Variants in ZNF804B observed in about 807,000 individuals in gnomAD.
ZNF804B encodes the protein zinc finger protein 804B.
Under a neutral mutation model 101.4 loss-of-function variants are expected in ZNF804B, and 80 were observed. The ratio of observed to expected loss-of-function variants is 0.79; its 90% CI spans 0.66 to 0.95. The LOEUF (loss-of-function observed/expected upper bound fraction) is 0.95. ZNF804B is among the 40% of genes least tolerant of loss of function. ZNF804B has a pLI of 0.00. For missense variants in ZNF804B, 1,673 were observed against 1,561.9 expected, an observed-to-expected ratio of 1.07 and a Z score of -1.20; for synonymous variants, 622 against 558.8, an observed-to-expected ratio of 1.11 and a Z score of -1.59.
rs567236726 is a variant in ZNF804B, at chr7:89,166,737, A to G, written c.109-51418A>G. Among the ~76,000 whole-genome samples, 3 of 152,318 alleles carry G rather than the reference A, an allele frequency of 2.0e-5. No individual in the cohort carries two copies. In the South Asian group the frequency reaches 6.2e-4, roughly 32 times the overall value. ...CGAAAAGTATGTGAAAAGTGGAAAGATCACTTTTTACTTCCATACACAATT... is the reference window on the plus strand; with the variant it reads ...CGAAAAGTATGTGAAAAGTGGAAAGGTCACTTTTTACTTCCATACACAATT... On this transcript the variant is annotated intron_variant, in intron 1 of 3. Coordinates refer to ENST00000333190, the MANE Select transcript of ZNF804B (RefSeq NM_181646.5).
chr7:89,010,894 A>G (rs1383778470), intron 1 of ZNF804B, among the ~76,000 whole-genome samples: 6 of 152,214 alleles, frequency 3.9e-5, no homozygotes, highest in Non-Finnish European at 8.8e-5. Flanking sequence ...ACACAGGAAA[A>G]GTCCACAATG....
At chr7:89,317,142 T>C in intron 2 of ZNF804B, among the ~76,000 whole-genome samples, 1 of 152,208 alleles carries the variant, frequency 6.6e-6, no homozygotes, top group East Asian at 1.9e-4. Flanking sequence ...ATGATTTAGA[T>C]TCTGCCTGAG....
At chr7:89,183,715 C>T (rs1021395176) in intron 1 of ZNF804B, among the ~76,000 whole-genome samples, 1 of 152,058 alleles carries the variant, frequency 6.6e-6, no homozygotes, top group Non-Finnish European at 1.5e-5. Flanking sequence ...ACAAGATTAG[C>T]CAGAATCACA....
In ZNF804B at chr7:89,271,820, T is replaced by G. The variant is rs572573773; in HGVS notation, c.249+53525T>G. On this transcript the variant is annotated intron_variant, in intron 2 of 3. Coordinates refer to ENST00000333190, the MANE Select transcript of ZNF804B (RefSeq NM_181646.5). ...TGGGAGGCTGTATGTGTCCAGAAAT[T>G]TATCCATTTCTTCTAGATTTTCTAG... is the stretch of plus-strand genomic sequence containing the variant. Among the ~76,000 whole-genome samples the G allele has an allele frequency of 4.6e-5, 7 of 152,264 alleles. No individual in the cohort carries two copies. The South Asian group carries it at 8.3e-4, about 18-fold the overall frequency.
At chr7:88,811,739 G>T (rs114977256) in intron 1 of ZNF804B, among the ~76,000 whole-genome samples, 2 of 152,048 alleles carry the variant, frequency 1.3e-5, no homozygotes, top group African/African-American at 4.8e-5. Flanking sequence ...ACCAAATGCC[G>T]TATGCTCTCA....
chr7:88,976,194 G>A (rs531122636), intron 1 of ZNF804B, among the ~76,000 whole-genome samples: 22 of 151,450 alleles, frequency 1.5e-4, no homozygotes, highest in African/African-American at 4.3e-4. Flanking sequence ...TAATTCTTCC[G>A]TTTTTGTTCT....
intron 1 of ZNF804B, among the ~76,000 whole-genome samples, chr7:89,027,991 A>G (rs1320958338): frequency 6.6e-6 from 1 of 152,146 alleles, no homozygotes; most frequent in African/African-American, 2.4e-5. Context: ...ACGTTTTACC[A>G]CTGGAATTTG....
At chr7:88,881,255 T>A (rs1792025525) in intron 1 of ZNF804B, among the ~76,000 whole-genome samples, 1 of 152,114 alleles carries the variant, frequency 6.6e-6, no homozygotes, top group Admixed American at 6.6e-5. Flanking sequence ...CCAAATAATA[T>A]TTTTTGGACA....
chr7:88,911,192 G>A (rs1792545360), intron 1 of ZNF804B, among the ~76,000 whole-genome samples: 1 of 151,900 alleles, frequency 6.6e-6, no homozygotes, highest in African/African-American at 2.4e-5. Flanking sequence ...AGGAATTTAT[G>A]TAAGTGCGAA....
At chr7:88,843,911 TA>T (rs1179655091) in intron 1 of ZNF804B, among the ~76,000 whole-genome samples, 1 of 152,122 alleles carries the variant, frequency 6.6e-6, no homozygotes, top group Non-Finnish European at 1.5e-5. Flanking sequence ...TAAACTCTTT[TA>T]ACAATACCTG....
intron 1 of ZNF804B, among the ~76,000 whole-genome samples, chr7:88,775,923 C>T (rs986426187): frequency 5.1e-4 from 78 of 152,258 alleles, no homozygotes; most frequent in African/African-American, 1.9e-3. Context: ...TGCATGTTGT[C>T]CCTCCAATTT....
chr7:88,880,632 A>T (rs1429406687), intron 1 of ZNF804B, among the ~76,000 whole-genome samples: 1 of 152,132 alleles, frequency 6.6e-6, no homozygotes, highest in Non-Finnish European at 1.5e-5. Context: ...TTAAAATATT[A>T]TGCAGTAGAA....
chr7:89,098,833 A>G (rs1186431846), intron 1 of ZNF804B, among the ~76,000 whole-genome samples: 1 of 151,628 alleles, frequency 6.6e-6, no homozygotes, highest in Non-Finnish European at 1.5e-5. Flanking sequence ...ATAAGTTAAT[A>G]TGCATTTATT....
At chr7:89,310,266 T>G (rs1790631490) in intron 2 of ZNF804B, among the ~76,000 whole-genome samples, 1 of 152,136 alleles carries the variant, frequency 6.6e-6, no homozygotes, top group Non-Finnish European at 1.5e-5. Flanking sequence ...TGAGGAGGTG[T>G]AAGTATCATG....
intron 1 of ZNF804B, among the ~76,000 whole-genome samples, chr7:88,884,773 A>C (rs1792098874): frequency 6.6e-6 from 1 of 151,886 alleles, no homozygotes; most frequent in African/African-American, 2.4e-5. Context: ...ATTAAAGCTT[A>C]TGAGAAAAAT....
intron 2 of ZNF804B, among the ~76,000 whole-genome samples, chr7:89,244,125 A>G (rs974850911): frequency 4.6e-5 from 7 of 152,158 alleles, no homozygotes; most frequent in Non-Finnish European, 1.0e-4. Context: ...ACTTTTAATT[A>G]TGTAGATAAT....
chr7:88,891,523 T>C (rs2115930948), intron 1 of ZNF804B, among the ~76,000 whole-genome samples: 1 of 152,278 alleles, frequency 6.6e-6, no homozygotes, highest in South Asian at 2.1e-4. Context: ...CTCTTTAACT[T>C]GAAGTATTTA....
chr7:89,097,085 T>A (rs1379575893), intron 1 of ZNF804B, among the ~76,000 whole-genome samples: 1 of 152,146 alleles, frequency 6.6e-6, no homozygotes, highest in Non-Finnish European at 1.5e-5. Flanking sequence ...TGTATTCAGG[T>A]TCATGTTGAA....
At chr7:88,951,600 A>G (rs1272434560) in intron 1 of ZNF804B, among the ~76,000 whole-genome samples, 1 of 151,914 alleles carries the variant, frequency 6.6e-6, no homozygotes, top group Non-Finnish European at 1.5e-5. Context: ...TGTTGCAAAA[A>G]TTACTTTTAC....
Sources: allele counts gnomAD v4.1 joint callset (sites outside exome capture counted in the v4.1 genomes callset), GRCh38; gene constraint gnomAD v4.1.1; transcripts MANE v1.5; gene names NCBI Gene and HGNC (gene_info 2026-07-23, HGNC 2026-07-21).